The following LYRM2 variants were observed in gnomAD, a reference collection of about 807,000 sequenced individuals.
The protein encoded by LYRM2 is LYR motif-containing protein 2.
LYRM2 carries 8 observed loss-of-function variants against 11.6 expected under a neutral mutation model. The ratio of observed to expected loss-of-function variants is 0.69; its 90% CI spans 0.40 to 1.24. The LOEUF is 1.24. Among genes scored for constraint, LYRM2 ranks in the 50% most tolerant of loss-of-function variants. LYRM2 has a pLI of 0.01. For missense variants in LYRM2, 117 were observed against 102.9 expected, an observed-to-expected ratio of 1.14 and a Z score of -0.59; for synonymous variants, 30 against 36.4, an observed-to-expected ratio of 0.83 and a Z score of 0.63.
intron 1 of LYRM2, 89 bp downstream of exon 1, chr6:89,638,583 C>A: frequency 6.2e-7 from 1 of 1,604,350 alleles, no homozygotes; most frequent in Non-Finnish European, 8.5e-7. Flanking sequence ...ATCAGGACCC[C>A]GGAACCCGCC....
chr6:89,637,472 A>G, intron 2 of LYRM2, 119 bp from the exon 3 acceptor site: 1 of 698,100 alleles, frequency 1.4e-6, no homozygotes, highest in Non-Finnish European at 2.4e-6. Context: ...GCCTTTTAGA[A>G]AAGCTAAAAG....
intron 1 of LYRM2, 61 bp from the exon 2 acceptor site, chr6:89,637,943 A>G: frequency 6.8e-7 from 1 of 1,474,502 alleles, no homozygotes; most frequent in Non-Finnish European, 9.3e-7. Flanking sequence ...GGAAAGTTCT[A>G]CTTCAGCAAA....
rs1296923869 is a variant in LYRM2, at chr6:89,634,200, G to A, written c.*3073C>T. 1.3e-5 allele frequency: 2 copies of A among 152,156 alleles called. No individual in the cohort carries two copies. Among genetic ancestry groups the A allele is most frequent in the Non-Finnish European group, 1.5e-5 (1 of 68,032 alleles). 9.4% of individuals were successfully genotyped at this position (152,156 alleles called of 1,614,324 possible). The stretch of plus-strand genomic sequence containing the variant: ...CTTCTTTGAAGTGTGGATTATAAAA[G>A]CCAATCAAAGACAAAACCAGTTTGA... On this transcript the variant is annotated 3_prime_UTR_variant, in exon 3 of 3. Transcript: ENST00000523377.
Position 89,636,975 on chromosome 6 carries a change from C to A in LYRM2, c.*298G>T. On this transcript the variant is annotated 3_prime_UTR_variant, in exon 3 of 3. Transcript: ENST00000523377. The stretch of plus-strand genomic sequence containing the variant: ...GGATTACAAGCATGAGCCACTACAC[C>A]CGACCTCATAGTAGTTTTGATTTAC... 4.4e-6 allele frequency: 1 copy of A among 225,782 alleles called. No individual in the cohort carries two copies. Among genetic ancestry groups the A allele is most frequent in the Non-Finnish European group, 8.8e-6 (1 of 114,016 alleles). The allele number at this position is 225,782 out of a possible 1,614,324, so 14.0% of individuals were successfully genotyped here.
chr6:89,637,566 AT>A (rs1051358749), intron 2 of LYRM2, among the ~76,000 whole-genome samples, 175 bp downstream of exon 2: 2 of 152,036 alleles, frequency 1.3e-5, no homozygotes, highest in African/African-American at 4.8e-5. Flanking sequence ...TTATCTACAT[AT>A]TTTAAAATAC....
At chr6:89,638,165 C>G (rs1808068024) in intron 1 of LYRM2, 2 of 669,138 alleles carry the variant, frequency 3.0e-6, no homozygotes, top group South Asian at 7.8e-5. Flanking sequence ...AGAGTGAGGC[C>G]CTGTCTCAAA....
At chr6:89,638,647 T>C (rs764458547) in intron 1 of LYRM2, 25 bp downstream of exon 1, 7 of 1,613,924 alleles carry the variant, frequency 4.3e-6, no homozygotes, top group East Asian at 2.2e-5. Flanking sequence ...GTAAGCTGCT[T>C]TGGAAGGCAG....
At position 89,636,241 on chromosome 6, in the gene LYRM2, G is replaced by C. The variant is rs914669710; in HGVS notation, c.*1032C>G. The C allele has an allele frequency of 6.6e-6, 1 of 152,190 alleles. No homozygotes were observed. Among genetic ancestry groups the C allele is most frequent in the African/African-American group, 2.4e-5 (1 of 41,430 alleles). The allele number at this position is 152,190 out of a possible 1,614,324, so 9.4% of individuals were successfully genotyped here. On this transcript the variant is annotated 3_prime_UTR_variant, in exon 3 of 3. Transcript: ENST00000523377. ...GTGCAGCCTACACCACAAGCTAACT[G>C]TAGGATATTTTCATCACCCTGAAAA... is the stretch of plus-strand genomic sequence containing the variant.
In LYRM2 at chr6:89,633,238, G is replaced by C. The variant is rs1376719597; in HGVS notation, c.*4035C>G. On this transcript the variant is annotated 3_prime_UTR_variant, in exon 3 of 3. Coordinates refer to ENST00000523377, the MANE Select transcript of LYRM2 (RefSeq NM_020466.5). The stretch of plus-strand genomic sequence containing the variant: ...AACAAATAGAGGTGATGAAGACACA[G>C]AACAGGCTCAGTCAGCATCCTCACC... The C allele has an allele frequency of 6.6e-6, 1 of 152,228 alleles. No individual in the cohort carries two copies. The highest frequency in any genetic ancestry group is 1.5e-5 in the Non-Finnish European group (1 of 68,038). 9.4% of individuals were successfully genotyped at this position (152,228 alleles called of 1,614,324 possible). A position where few individuals can be genotyped will look rare whatever the true frequency, so the allele number is the denominator to read the frequency against.
intron 1 of LYRM2, chr6:89,638,377 C>A: frequency 7.5e-7 from 1 of 1,336,694 alleles, no homozygotes; most frequent in Non-Finnish European, 9.6e-7. Flanking sequence ...TTGCTGTTTG[C>A]CACAGCTCAG....
Position 89,632,307 on chromosome 6 carries a change from GTTT to G in LYRM2, c.*4963_*4965del, listed in dbSNP as rs1324755819. 6.6e-6 allele frequency: 1 copy of G among 152,112 alleles called. No individual in the cohort carries two copies. Among genetic ancestry groups the G allele is most frequent in the Admixed American group, 6.5e-5 (1 of 15,280 alleles). The allele number at this position is 152,112 out of a possible 1,614,324, so 9.4% of individuals were successfully genotyped here. ...GCTTTTATTCCCTTTGTCAAGCTCA[GTTT>G]TAGGGTTTTTTCTTTTTTTTATAGT... On this transcript the variant is annotated 3_prime_UTR_variant, in exon 3 of 3. Coordinates refer to ENST00000523377, the MANE Select transcript of LYRM2 (RefSeq NM_020466.5).
rs1463899707 is a variant in LYRM2, at chr6:89,638,004, G to T, written c.46-122C>A. ...GTTGGTCAATTTTGAAAAAGGCAAA[G>T]AAAAACTTTTTTTTTTCTTTTTTTG... On this transcript the variant is annotated intron_variant, in intron 1 of 2. Transcript: ENST00000523377. 7.2e-6 allele frequency: 8 copies of T among 1,111,132 alleles called. No individual in the cohort carries two copies. The African/African-American group carries it at 9.6e-5, about 13-fold the overall frequency. The allele number at this position is 1,111,132 out of a possible 1,614,324, so 68.8% of individuals were successfully genotyped here. A position where few individuals can be genotyped will look rare whatever the true frequency, so the allele number is the denominator to read the frequency against.
chr6:89,637,795 G>C lies in LYRM2; in HGVS notation c.133C>G (p.Leu45Val). ...QVPNDSDRKY[L>V]KDWAREEFRR... ...AATTCTTCTCTTGCCCAATCTTTCAGGTATTTGCGATCAGAATCATTTGGA... is the reference window on the plus strand; with the variant it reads ...AATTCTTCTCTTGCCCAATCTTTCACGTATTTGCGATCAGAATCATTTGGA... Residue 45 changes from leucine (L) to valine (V), a missense_variant, in exon 2 of 3, where the codon CTG (leucine) becomes GTG (valine). By Grantham distance (32) the Leu-to-Val change is conservative. Coordinates refer to ENST00000523377, the MANE Select transcript of LYRM2 (RefSeq NM_020466.5). 2 of 1,613,954 alleles carry C rather than the reference G, an allele frequency of 1.2e-6. No individual in the cohort carries two copies. The highest frequency in any genetic ancestry group is 1.7e-6 in the Non-Finnish European group (2 of 1,179,912).
chr6:89,637,710 A>T (rs756193283), intron 2 of LYRM2, 32 bp downstream of exon 2: 58 of 1,599,104 alleles, frequency 3.6e-5, no homozygotes, highest in Non-Finnish European at 4.9e-5. Context: ...AAAAAGGGTT[A>T]GGATCTGTCC....
At chr6:89,637,450 A>G (rs2128295601) in intron 2 of LYRM2, 97 bp from the exon 3 acceptor site, 3 of 771,146 alleles carry the variant, frequency 3.9e-6, no homozygotes, top group Non-Finnish European at 6.3e-6. Context: ...AATACTACCT[A>G]TTGGAACTGC....
In LYRM2 at chr6:89,638,737, A is replaced by C. The variant is rs1023969181; in HGVS notation, c.-21T>G. The C allele has an allele frequency of 1.2e-6, 2 of 1,613,538 alleles. No individual in the cohort carries two copies. The highest frequency in any genetic ancestry group is 1.3e-5 in the African/African-American group (1 of 74,860). On this transcript the variant is annotated 5_prime_UTR_variant, in exon 1 of 3. Transcript: ENST00000523377. ...GCCATGTCCACCAGAGGTCCGCCGG[A>C]GCCTCAGCGCGCAGGAGCGGAAGTG...
At position 89,634,146 on chromosome 6, in the gene LYRM2, G is replaced by C. The variant is rs1438221261; in HGVS notation, c.*3127C>G. The C allele has an allele frequency of 6.6e-6, 1 of 152,196 alleles. No individual in the cohort carries two copies. The highest frequency in any genetic ancestry group is 1.5e-5 in the Non-Finnish European group (1 of 68,030). The allele number at this position is 152,196 out of a possible 1,614,324, so 9.4% of individuals were successfully genotyped here. ...AAGGCAAGGCAACATTATACTTTTT[G>C]ACTAAGTTATTAAAAGTTAAATGCA... On this transcript the variant is annotated 3_prime_UTR_variant, in exon 3 of 3. Transcript: ENST00000523377.
At chr6:89,638,356 G>C (rs1363927093) in intron 1 of LYRM2, 56 of 1,261,616 alleles carry the variant, frequency 4.4e-5, no homozygotes, top group Non-Finnish European at 5.5e-5. Flanking sequence ...TCAAATCTTT[G>C]GTAATCTCAT....
At position 89,636,722 on chromosome 6, in the gene LYRM2, C is replaced by G. The variant is rs1030500887; in HGVS notation, c.*551G>C. The G allele has an allele frequency of 6.6e-6, 1 of 151,186 alleles. No homozygotes were observed. The highest frequency in any genetic ancestry group is 1.5e-5 in the Non-Finnish European group (1 of 67,926). 9.4% of individuals were successfully genotyped at this position (151,186 alleles called of 1,614,324 possible). On this transcript the variant is annotated 3_prime_UTR_variant, in exon 3 of 3. Transcript: ENST00000523377. ...TTAGAGACTGTCTCACTCTGTCACC[C>G]AGGCTGAAGTGCAGTGGCACGACCT...
Sources: gnomAD v4.1 joint callset for allele counts (sites outside exome capture counted in the v4.1 genomes callset) on GRCh38, gnomAD v4.1.1 for gene constraint, MANE v1.5 for transcripts, NCBI Gene and HGNC (gene_info 2026-07-23, HGNC 2026-07-21) for gene names.